TNN: variants seen among roughly 807,000 people sequenced by gnomAD.
TNN encodes tenascin-N.
A neutral mutation model predicts 134.4 loss-of-function variants in TNN; 122 were observed. That is an observed-to-expected ratio of 0.91 (90% CI 0.78 to 1.06). The LOEUF (loss-of-function observed/expected upper bound fraction) is 1.06, where lower values mean the gene tolerates loss of function less well. TNN is among the 50% of genes least tolerant of loss of function. The probability of loss-of-function intolerance (pLI) is 0.00; values close to 1 mark genes in which losing one functional copy is unlikely to be tolerated. For missense variants in TNN, 1,739 were observed against 1,699.4 expected (o/e 1.02, Z -0.41); for synonymous variants, 710 against 670.3 (o/e 1.06, Z -0.91).
intron 1 of TNN, among the ~76,000 whole-genome samples, chr1:175,072,986 A>C (rs1673955753): frequency 2.2e-5 from 2 of 91,014 alleles, no homozygotes; most frequent in South Asian, 3.8e-4. Context: ...AACCATCTGC[A>C]CTTCATTTAT....
At chr1:175,086,791 T>C (rs754425287) in intron 6 of TNN, among the ~76,000 whole-genome samples, 1 of 152,244 alleles carries the variant, frequency 6.6e-6, no homozygotes, top group African/African-American at 2.4e-5. Flanking sequence ...TCTGCCTGAA[T>C]AGTGGACTAG....
rs1674624838 is a variant in TNN at position 175,098,363 on chromosome 1, C to T, written c.1887C>T (p.Asp629=). 4 of 1,614,082 alleles carry T rather than the reference C, an allele frequency of 2.5e-6. No individual in the cohort carries two copies. Among genetic ancestry groups the T allele is most frequent in the African/African-American group, 2.7e-5 (2 of 74,910 alleles). ...ACAGCCCCAAAAACCTGGTGACTGA[C>T]CGGGTGACAGAGAATATGGCCACGG... ...DIDSPKNLVT[D]RVTENMATVS... is the part of the protein sequence containing the mutation. The change falls in exon 9 of 19, where the codon GAC becomes GAT. Residue 629 remains aspartate, a synonymous_variant. Coordinates refer to ENST00000239462, the MANE Select transcript of TNN (RefSeq NM_022093.2).
rs1235300545 is a variant in TNN, at chr1:175,097,517, G to A, written c.1689G>A (p.Val563=). The change falls in exon 8 of 19, where the codon GTG becomes GTA. Residue 563 remains valine, a synonymous_variant. Coordinates refer to ENST00000239462, the MANE Select transcript of TNN (RefSeq NM_022093.2). ...PVQATIDKYV[V]RYTSADDQET... Reference sequence around the variant, plus strand: ...AGGCCACCATTGACAAGTACGTGGTGCGCTACACCTCTGCTGACGACCAAG... The same window carrying A: ...AGGCCACCATTGACAAGTACGTGGTACGCTACACCTCTGCTGACGACCAAG... 1 of 1,614,202 alleles carries A rather than the reference G, an allele frequency of 6.2e-7. No individual in the cohort carries two copies. Among genetic ancestry groups the A allele is most frequent in the Non-Finnish European group, 8.5e-7 (1 of 1,180,048 alleles).
chr1:175,089,648 G>A (rs1050396354), intron 6 of TNN, among the ~76,000 whole-genome samples: 1 of 152,164 alleles, frequency 6.6e-6, no homozygotes, highest in African/African-American at 2.4e-5. Context: ...CTTTTCTTAT[G>A]ATGATGGTAT....
Position 175,099,685 on chromosome 1 carries a change from G to A in TNN, c.2119+1090G>A, listed in dbSNP as rs922355785. Among the ~76,000 whole-genome samples the A allele has an allele frequency of 6.6e-5, 10 of 152,108 alleles. No homozygotes were observed. The South Asian group carries it at 1.2e-3, about 19-fold the overall frequency. ...GAGGAAGCGAAGTGAAGGGTCAAGA[G>A]AGAATAGAGCCCAGGGGTTAGGGAG... On this transcript the variant is annotated intron_variant, in intron 9 of 18. Transcript: ENST00000239462.
Position 175,118,543 on chromosome 1 carries a change from C to T in TNN, c.2387-18C>T. 1 of 1,604,606 alleles carries T rather than the reference C, an allele frequency of 6.2e-7. No individual in the cohort carries two copies. The highest frequency in any genetic ancestry group is 2.2e-5 in the East Asian group (1 of 44,858). On this transcript the variant is annotated intron_variant, in intron 10 of 18. Coordinates refer to ENST00000239462, the MANE Select transcript of TNN (RefSeq NM_022093.2). ...GCACCTGTTCATAGTGCATATTGGT[C>T]AGCATTTTTTTTTTCAGACATTGAC...
intron 7 of TNN, among the ~76,000 whole-genome samples, chr1:175,094,983 G>A (rs1171989929): frequency 6.6e-6 from 1 of 152,204 alleles, no homozygotes; most frequent in Non-Finnish European, 1.5e-5. Flanking sequence ...CAGAGAGATG[G>A]TTAGGAATAT....
intron 11 of TNN, among the ~76,000 whole-genome samples, chr1:175,120,134 T>C (rs908461657): frequency 3.3e-5 from 5 of 152,234 alleles, no homozygotes; most frequent in Non-Finnish European, 7.3e-5. Flanking sequence ...CCTGGGTGGC[T>C]GGAGCCCTGT....
At chr1:175,132,744 T>C (rs1312114008) in intron 15 of TNN, among the ~76,000 whole-genome samples, 2 of 152,192 alleles carry the variant, frequency 1.3e-5, no homozygotes, top group Non-Finnish European at 2.9e-5. Context: ...GCCCAGGAAG[T>C]GGCTGTGGTC....
chr1:175,104,473 A>G (rs1674802547), intron 9 of TNN, among the ~76,000 whole-genome samples: 1 of 145,662 alleles, frequency 6.9e-6, no homozygotes, highest in Non-Finnish European at 1.5e-5. Context: ...TTATTGGACA[A>G]TCTTTTTTAA....
intron 3 of TNN, 86 bp downstream of exon 3, chr1:175,079,793 G>A (rs1479650216): frequency 3.4e-6 from 5 of 1,465,704 alleles, no homozygotes; most frequent in African/African-American, 2.8e-5. Flanking sequence ...TCATCTTTGG[G>A]GGTCTCTTCC....
chr1:175,090,886 G>T (rs1378531157), intron 6 of TNN, among the ~76,000 whole-genome samples: 1 of 152,180 alleles, frequency 6.6e-6, no homozygotes, highest in Non-Finnish European at 1.5e-5. Context: ...GGTCCCACCA[G>T]GGCTGCTAGT....
chr1:175,103,493 G>C (rs974212159), intron 9 of TNN, among the ~76,000 whole-genome samples: 1 of 145,858 alleles, frequency 6.9e-6, no homozygotes, highest in Non-Finnish European at 1.5e-5. Flanking sequence ...ATGGGTTGAA[G>C]ATCCACATAA....
At chr1:175,069,488 C>A (rs1459299178) in intron 1 of TNN, among the ~76,000 whole-genome samples, 1 of 152,204 alleles carries the variant, frequency 6.6e-6, no homozygotes, top group Non-Finnish European at 1.5e-5. Flanking sequence ...TCTGGTTTTC[C>A]AGTCCAGTGC....
At position 175,111,968 on chromosome 1, in the gene TNN, T is replaced by C. The variant is rs924391221; in HGVS notation, c.2120-4971T>C. Among the ~76,000 whole-genome samples, 3 of 152,234 alleles carry C rather than the reference T, an allele frequency of 2.0e-5. No homozygotes were observed. In the East Asian group the frequency reaches 5.8e-4, roughly 29 times the overall value. On this transcript the variant is annotated intron_variant, in intron 9 of 18. Coordinates refer to ENST00000239462, the MANE Select transcript of TNN (RefSeq NM_022093.2). ...ACAATTTGGCTTCCTCTTTTTCAAT[T>C]TGGATGCTCTTTATTCCTTTCTGTT...
At chr1:175,082,723 C>T (rs1345327498) in intron 4 of TNN, among the ~76,000 whole-genome samples, 1 of 152,156 alleles carries the variant, frequency 6.6e-6, no homozygotes, top group African/African-American at 2.4e-5. Context: ...CATCATCCGT[C>T]AGTGGTCAGT....
At chr1:175,101,017 A>G (rs1466021243) in intron 9 of TNN, among the ~76,000 whole-genome samples, 2 of 152,198 alleles carry the variant, frequency 1.3e-5, no homozygotes, top group Non-Finnish European at 2.9e-5. Context: ...AAACATGTCA[A>G]ATCTTCTCTT....
At chr1:175,090,389 T>C (rs1422554942) in intron 6 of TNN, among the ~76,000 whole-genome samples, 1 of 152,186 alleles carries the variant, frequency 6.6e-6, no homozygotes, top group Non-Finnish European at 1.5e-5. Flanking sequence ...CGTGTAGGTA[T>C]TGTGGTCTCA....
At chr1:175,139,196 T>A (rs186954937) in intron 17 of TNN, among the ~76,000 whole-genome samples, 2 of 152,344 alleles carry the variant, frequency 1.3e-5, no homozygotes, top group Non-Finnish European at 2.9e-5. Flanking sequence ...TCTTCGTTAA[T>A]AAAAATTAAC....
Sources: allele counts gnomAD v4.1 joint callset (sites outside exome capture counted in the v4.1 genomes callset), GRCh38; gene constraint gnomAD v4.1.1; transcripts MANE v1.5; gene names NCBI Gene and HGNC (gene_info 2026-07-23, HGNC 2026-07-21).